The following DLGAP4 variants were observed in gnomAD, a reference collection of about 807,000 sequenced individuals.
DLGAP4 encodes disks large-associated protein 4.
Under a neutral mutation model 86.9 loss-of-function variants are expected in DLGAP4, and 18 were observed. The observed-to-expected ratio is 0.21, with a 90% confidence interval of 0.14 to 0.31. The LOEUF is 0.31. Among genes scored for constraint, DLGAP4 ranks in the 10% least tolerant of loss-of-function variants. The pLI, the probability that DLGAP4 is intolerant of heterozygous loss-of-function variation, is 1.00. For missense variants in DLGAP4, 1,085 were observed against 1,362.6 expected, an observed-to-expected ratio of 0.80 and a Z score of 3.21; for synonymous variants, 548 against 574.3, an observed-to-expected ratio of 0.95 and a Z score of 0.65.
chr20:36,454,767 G>T (rs1321672455), intron 7 of DLGAP4, among the ~76,000 whole-genome samples: 1 of 152,218 alleles, frequency 6.6e-6, no homozygotes. Flanking sequence ...TGATGTAGGG[G>T]AGCGGCAGTT....
intron 1 of DLGAP4, among the ~76,000 whole-genome samples, chr20:36,309,673 T>C (rs1458516145): frequency 6.6e-6 from 1 of 152,202 alleles, no homozygotes; most frequent in East Asian, 1.9e-4. Flanking sequence ...TGGCCAGGCA[T>C]TTCCCCCTGT....
rs1320023633 is a variant in DLGAP4, at chr20:36,500,309, C to A, written c.2210C>A (p.Thr737Asn). Reference protein sequence around the residue: ...KSSERSLPDCTPHPNSISIDA... With the variant: ...KSSERSLPDCNPHPNSISIDA... ...TCTGAGAGGAGCCTCCCGGACTGTA[C>A]CCCTCACCCCAACTCCATCAGCATC... is the stretch of plus-strand genomic sequence containing the variant. The change falls in exon 10 of 13, where the codon ACC becomes AAC. Residue 737 changes from threonine to asparagine, a missense_variant. Physicochemically the swap from Thr to Asn is moderately conservative, Grantham distance 65. Transcript: ENST00000339266. This position sits in a 1 kb window ranked among gnomAD's most constrained non-coding sequence, Gnocchi z 4.6. 9.9e-6 allele frequency: 16 copies of A among 1,613,952 alleles called. No homozygotes were observed. The highest frequency in any genetic ancestry group is 1.1e-5 in the Non-Finnish European group (13 of 1,179,900).
At chr20:36,430,648 CAAAAAAAAAAAA>C (rs5841233) in intron 2 of DLGAP4, among the ~76,000 whole-genome samples, 1 of 58,960 alleles carries the variant, frequency 1.7e-5, no homozygotes, top group Non-Finnish European at 3.3e-5. Context: ...GACCTTGTTG[CAAAAAAAAAAAA>C]AAAAAAAAAA....
rs548749658 is a variant in DLGAP4, at chr20:36,331,786, C to T, written c.-304+25274C>T. Among the ~76,000 whole-genome samples, 25 of 152,268 alleles carry T rather than the reference C, an allele frequency of 1.6e-4. No homozygotes were observed. The South Asian group carries it at 5.0e-3, about 30-fold the overall frequency. ...GTATAAATGCTGTGATGGAGAGCAG[C>T]AGGGTGACAGGTGTCTGCTGGGGTG... On this transcript the variant is annotated intron_variant, in intron 1 of 12. Coordinates refer to ENST00000339266, the MANE Select transcript of DLGAP4 (RefSeq NM_001365621.2).
At chr20:36,480,346 G>A (rs1041495270) in intron 7 of DLGAP4, among the ~76,000 whole-genome samples, 2 of 152,130 alleles carry the variant, frequency 1.3e-5, no homozygotes, top group East Asian at 1.9e-4. Context: ...AAGATTTCCC[G>A]TGTGGCTAGG....
At chr20:36,360,742 G>A (rs1555894165) in intron 1 of DLGAP4, among the ~76,000 whole-genome samples, 2 of 151,772 alleles carry the variant, frequency 1.3e-5, no homozygotes, top group Non-Finnish European at 2.9e-5. Context: ...GGCCTGAGCA[G>A]AGCATGGGGG....
At position 36,465,171 on chromosome 20, in the gene DLGAP4, A is replaced by AC. The variant is rs1201277543; in HGVS notation, c.1648+18239dup. 3 of 63,210 alleles carry AC rather than the reference A, an allele frequency of 4.7e-5. No individual in the cohort carries two copies. In the East Asian group the frequency reaches 1.5e-3, roughly 32 times the overall value. 3.9% of individuals were successfully genotyped at this position (63,210 alleles called of 1,614,324 possible). ...GCCCAGTTCCCCCCCCATCCCCCCCACCCCCGCATGCCCTGTGGTTGGGGT... is the reference window on the plus strand; with the variant it reads ...GCCCAGTTCCCCCCCCATCCCCCCCACCCCCCGCATGCCCTGTGGTTGGGGT... On this transcript the variant is annotated intron_variant, in intron 7 of 12. Transcript: ENST00000339266.
chr20:36,314,044 A>T (rs1017317291), intron 1 of DLGAP4, among the ~76,000 whole-genome samples: 1 of 152,068 alleles, frequency 6.6e-6, no homozygotes, highest in Non-Finnish European at 1.5e-5. Flanking sequence ...GGGTGTCGGC[A>T]TCTGACACTT....
intron 7 of DLGAP4, among the ~76,000 whole-genome samples, chr20:36,468,748 A>T (rs1379928964): frequency 6.6e-6 from 1 of 152,226 alleles, no homozygotes; most frequent in Non-Finnish European, 1.5e-5. Flanking sequence ...GTCATACCAA[A>T]ATCTGGACAA....
rs2037822706 is a variant in DLGAP4 at position 36,527,158 on chromosome 20, T to C, written c.*127T>C. 1.9e-6 allele frequency: 2 copies of C among 1,049,934 alleles called. No homozygotes were observed. Among genetic ancestry groups the C allele is most frequent in the African/African-American group, 1.6e-5 (1 of 62,266 alleles). The allele number at this position is 1,049,934 out of a possible 1,614,324, so 65.0% of individuals were successfully genotyped here. A position where few individuals can be genotyped will look rare whatever the true frequency, so the allele number is the denominator to read the frequency against. ...TAGAGACCCTGAGCCAACTTTCAAA[T>C]TGACGCATACAAGGGCTCACAATTT... On this transcript the variant is annotated 3_prime_UTR_variant, in exon 13 of 13. Transcript: ENST00000339266.
chr20:36,497,045 A>G lies in DLGAP4; in HGVS notation c.1989A>G (p.Lys663=). Residue 663 remains lysine, a synonymous_variant, in exon 8 of 13, where the codon AAA becomes AAG. Transcript: ENST00000339266. ...ACCCCGAGGCCGCCCCCAAAAGGAA[A>G]CTGTCATCGATAGGAATACAAGTAG... ...ESHPEAAPKR[K]LSSIGIQVDC... The G allele has an allele frequency of 6.2e-7, 1 of 1,606,328 alleles. No individual in the cohort carries two copies. The highest frequency in any genetic ancestry group is 1.7e-4 in the Middle Eastern group (1 of 6,010).
At chr20:36,513,303 C>G (rs1034552851) in intron 10 of DLGAP4, among the ~76,000 whole-genome samples, 1 of 150,866 alleles carries the variant, frequency 6.6e-6, no homozygotes, top group Non-Finnish European at 1.5e-5. Flanking sequence ...AATCCCAGCA[C>G]TTTGGGAGGC....
chr20:36,506,325 T>G (rs201601670), intron 10 of DLGAP4, among the ~76,000 whole-genome samples: 24 of 152,206 alleles, frequency 1.6e-4, no homozygotes, highest in Non-Finnish European at 8.8e-5. Context: ...AAGGAAATTA[T>G]GTCATACCAA....
At chr20:36,447,910 G>A (rs374280404) in intron 7 of DLGAP4, among the ~76,000 whole-genome samples, 2 of 126,502 alleles carry the variant, frequency 1.6e-5, no homozygotes, top group East Asian at 5.7e-4. Flanking sequence ...GTGGGGGGGG[G>A]GGAGACAAGG....
At chr20:36,423,281 C>T (rs945020506) in intron 2 of DLGAP4, among the ~76,000 whole-genome samples, 1 of 151,074 alleles carries the variant, frequency 6.6e-6, no homozygotes, top group Non-Finnish European at 1.5e-5. Context: ...AATGGTGAAA[C>T]CCCGTCTCTA....
chr20:36,442,336 A>C (rs1241155299), intron 5 of DLGAP4, among the ~76,000 whole-genome samples: 1 of 152,182 alleles, frequency 6.6e-6, no homozygotes, highest in South Asian at 2.1e-4. Flanking sequence ...CTGGGATTAT[A>C]GGCATGTGCC....
intron 1 of DLGAP4, 150 bp from the exon 2 acceptor site, chr20:36,366,895 G>C (rs1439426452): frequency 6.6e-6 from 1 of 152,228 alleles, no homozygotes; most frequent in African/African-American, 2.4e-5. Flanking sequence ...GGGTGCTCTG[G>C]AAAATGTAGT....
intron 7 of DLGAP4, chr20:36,492,304 A>G (rs1471070024): frequency 6.6e-6 from 1 of 152,442 alleles, no homozygotes; most frequent in Admixed American, 6.5e-5. Context: ...TGAAGCCCCA[A>G]AATCTTGTAT....
intron 1 of DLGAP4, among the ~76,000 whole-genome samples, chr20:36,360,916 A>C (rs1357435964): frequency 1.3e-5 from 2 of 152,078 alleles, no homozygotes; most frequent in East Asian, 1.9e-4. Context: ...CCAAGGGTTC[A>C]GGAGGCCGCT....
Sources: gnomAD v4.1 joint callset for allele counts (sites outside exome capture counted in the v4.1 genomes callset) on GRCh38, gnomAD v4.1.1 for gene constraint, Gnocchi (gnomAD v3.1) non-coding constraint, MANE v1.5 for transcripts, NCBI Gene and HGNC (gene_info 2026-07-23, HGNC 2026-07-21) for gene names.